Variants in RFX3 observed in about 807,000 individuals in gnomAD.
RFX3 encodes the protein regulatory factor X3.
RFX3 carries 14 observed loss-of-function variants against 98.6 expected under a neutral mutation model. The observed-to-expected ratio is 0.14, with a 90% CI of 0.09 to 0.22. The LOEUF (loss-of-function observed/expected upper bound fraction) is 0.22. Ranked by LOEUF, RFX3 falls within the 10% of genes least tolerant of loss-of-function variation. The pLI is 1.00. For missense variants in RFX3, 639 were observed against 926.9 expected (o/e 0.69, Z 4.03); for synonymous variants, 383 against 328.4 (o/e 1.17, Z -1.80).
chr9:3,304,361 T>G (rs556204345), intron 4 of RFX3, among the ~76,000 whole-genome samples: 1 of 152,096 alleles, frequency 6.6e-6, no homozygotes, highest in South Asian at 2.1e-4. Flanking sequence ...GTGACTGTCA[T>G]ATATAAGGTT....
At chr9:3,473,709 A>G (rs912351049) in intron 1 of RFX3, among the ~76,000 whole-genome samples, 2 of 152,186 alleles carry the variant, frequency 1.3e-5, no homozygotes. Flanking sequence ...ACTCAGAACA[A>G]TATTTGTTCC....
chr9:3,345,425 A>G (rs1431178789), intron 3 of RFX3, among the ~76,000 whole-genome samples: 1 of 152,152 alleles, frequency 6.6e-6, no homozygotes, highest in Non-Finnish European at 1.5e-5. Context: ...TTTTATAGGT[A>G]ATGGAGGTAG....
intron 1 of RFX3, among the ~76,000 whole-genome samples, chr9:3,415,159 A>T (rs945122320): frequency 2.9e-5 from 4 of 138,154 alleles, no homozygotes; most frequent in African/African-American, 1.1e-4. Context: ...ATATATTCTT[A>T]TATATATATA....
intron 2 of RFX3, among the ~76,000 whole-genome samples, chr9:3,358,576 T>G (rs891437753): frequency 4.6e-5 from 7 of 152,094 alleles, no homozygotes; most frequent in Non-Finnish European, 1.0e-4. Flanking sequence ...ACCTACCAAG[T>G]TAACGAATTG....
At chr9:3,522,132 T>C (rs1818781275) in intron 1 of RFX3, among the ~76,000 whole-genome samples, 1 of 152,172 alleles carries the variant, frequency 6.6e-6, no homozygotes, top group Non-Finnish European at 1.5e-5. Flanking sequence ...GACAGCCCTT[T>C]TGTCAACCAC....
rs577398918 is a variant in RFX3 at position 3,431,373 on chromosome 9, G to A, written c.-8-35777C>T. Among the ~76,000 whole-genome samples the A allele has an allele frequency of 2.6e-5, 4 of 152,234 alleles. No homozygotes were observed. The East Asian group carries it at 5.8e-4, about 22-fold the overall frequency. ...AACAAAAAGTTGAATTGTTTCATAT[G>A]TACCATAGATTAAGGTCTGCGGCTG... On this transcript the variant is annotated intron_variant, in intron 1 of 16. Coordinates refer to ENST00000617270, the MANE Select transcript of RFX3 (RefSeq NM_001282116.2).
At chr9:3,410,667 C>T (rs1481867510) in intron 1 of RFX3, among the ~76,000 whole-genome samples, 2 of 152,160 alleles carry the variant, frequency 1.3e-5, no homozygotes, top group East Asian at 3.9e-4. Context: ...GCATGAAATG[C>T]TCGTAAGGGT....
intron 5 of RFX3, among the ~76,000 whole-genome samples, chr9:3,294,687 T>C (rs1284062834): frequency 6.6e-6 from 1 of 152,166 alleles, no homozygotes; most frequent in Non-Finnish European, 1.5e-5. Flanking sequence ...ACCATTTTAA[T>C]GTCAAATATT....
In RFX3 at chr9:3,344,844, T is replaced by A. The variant is rs115237978; in HGVS notation, c.215+1823A>T. The A allele has an allele frequency of 6.6e-3, 4,697 of 715,594 alleles. 150 individuals are homozygous for A. The African/African-American group carries it at 0.072, about 11-fold the overall frequency. The allele number at this position is 715,594 out of a possible 1,614,324, so 44.3% of individuals were successfully genotyped here. ...TGCCAACAGTAGTTTAAGTTTATGG[T>A]GAAGATTCCAAAATCATGCTCCAGG... On this transcript the variant is annotated intron_variant, in intron 3 of 16. Coordinates refer to ENST00000617270, the MANE Select transcript of RFX3 (RefSeq NM_001282116.2).
intron 16 of RFX3, among the ~76,000 whole-genome samples, chr9:3,226,678 T>C (rs889020127): frequency 3.3e-5 from 5 of 152,184 alleles, no homozygotes; most frequent in Admixed American, 6.5e-5. Context: ...ACAAGTACAT[T>C]CAAAGGGTTG....
chr9:3,319,575 G>A (rs376794837), intron 4 of RFX3, among the ~76,000 whole-genome samples: 2 of 152,124 alleles, frequency 1.3e-5, no homozygotes, highest in Non-Finnish European at 2.9e-5. Flanking sequence ...AATATTATCA[G>A]AAGGTAAGCA....
chr9:3,407,129 A>G (rs1209843107), intron 1 of RFX3, among the ~76,000 whole-genome samples: 2 of 152,222 alleles, frequency 1.3e-5, no homozygotes, highest in African/African-American at 4.8e-5. Context: ...AATGCTAAGA[A>G]TAAGTAATTA....
At position 3,330,334 on chromosome 9, in the gene RFX3, T is replaced by A. The variant is rs776821873; in HGVS notation, c.399A>T (p.Gly133=). ...TGGQLISSSG[G]TYLIGNSMEN... is the part of the protein sequence containing the mutation. ...CCATTGAGTTGCCGATCAGATAGGT[T>A]CCTCCAGAGCTGCTGATGAGTTGTC... The change falls in exon 4 of 17, where the codon GGA becomes GGT. Residue 133 remains glycine (G), a synonymous_variant. Coordinates refer to ENST00000617270, the MANE Select transcript of RFX3 (RefSeq NM_001282116.2). 2.5e-6 allele frequency: 4 copies of A among 1,614,104 alleles called. No homozygotes were observed. Among genetic ancestry groups the A allele is most frequent in the Non-Finnish European group, 3.4e-6 (4 of 1,180,008 alleles).
intron 15 of RFX3, among the ~76,000 whole-genome samples, chr9:3,230,749 T>C (rs1818346353): frequency 1.3e-5 from 2 of 152,334 alleles, no homozygotes; most frequent in Middle Eastern, 6.8e-3. Flanking sequence ...GTGATGATTC[T>C]AAACACACCT....
intron 1 of RFX3, among the ~76,000 whole-genome samples, chr9:3,473,145 C>G (rs1848929521): frequency 6.6e-6 from 1 of 152,164 alleles, no homozygotes. Context: ...AACACTTCAC[C>G]TGTGGAATTA....
At chr9:3,322,253 G>A (rs1403550592) in intron 4 of RFX3, among the ~76,000 whole-genome samples, 1 of 152,124 alleles carries the variant, frequency 6.6e-6, no homozygotes, top group Admixed American at 6.5e-5. Context: ...AATATGGTAT[G>A]CCTTTCCAGT....
At position 3,222,413 on chromosome 9, in the gene RFX3, G is replaced by A. The variant is rs1339695075; in HGVS notation, c.*2629C>T. On this transcript the variant is annotated 3_prime_UTR_variant, in exon 17 of 17. Transcript: ENST00000617270. ...AAATGTTGAATCCTGGAGCATCCCC[G>A]ATCCCTAAGCCTCATCAATCTAAAT... 1 of 152,088 alleles carries A rather than the reference G, an allele frequency of 6.6e-6. No homozygotes were observed. The highest frequency in any genetic ancestry group is 2.4e-5 in the African/African-American group (1 of 41,410). The allele number at this position is 152,088 out of a possible 1,614,324, so 9.4% of individuals were successfully genotyped here.
At position 3,225,011 on chromosome 9, in the gene RFX3, T is replaced by C. The variant is rs377135230; in HGVS notation, c.*31A>G. 1.2e-6 allele frequency: 2 copies of C among 1,602,836 alleles called. No homozygotes were observed. The highest frequency in any genetic ancestry group is 8.5e-7 in the Non-Finnish European group (1 of 1,170,926). Reference sequence around the variant, plus strand: ...TTAAGCCCAATATCAACAGGGTTAATGTAAGCTGGAAAAATACGCTTTAAT... The same window carrying C: ...TTAAGCCCAATATCAACAGGGTTAACGTAAGCTGGAAAAATACGCTTTAAT... On this transcript the variant is annotated 3_prime_UTR_variant, in exon 17 of 17. Transcript: ENST00000617270.
Position 3,218,425 on chromosome 9 carries a change from A to C in RFX3, c.*6617T>G, listed in dbSNP as rs1198426758. 6.6e-6 allele frequency: 1 copy of C among 152,188 alleles called. No individual in the cohort carries two copies. The highest frequency in any genetic ancestry group is 2.4e-5 in the African/African-American group (1 of 41,456). 9.4% of individuals were successfully genotyped at this position (152,188 alleles called of 1,614,324 possible). ...GAAAAATCCTACTAATATCTTTAGT[A>C]TGTTCCAGTCATTTGTTTAAACAAC... On this transcript the variant is annotated 3_prime_UTR_variant, in exon 17 of 17. Coordinates refer to ENST00000617270, the MANE Select transcript of RFX3 (RefSeq NM_001282116.2).
Sources: gnomAD v4.1 joint callset for allele counts (sites outside exome capture counted in the v4.1 genomes callset) on GRCh38, gnomAD v4.1.1 for gene constraint, MANE v1.5 for transcripts, NCBI Gene and HGNC (gene_info 2026-07-23, HGNC 2026-07-21) for gene names.